The following TSPEAR variants were observed in gnomAD, a reference collection of about 807,000 sequenced individuals.
TSPEAR encodes the protein thrombospondin type laminin G domain and EAR repeats.
TSPEAR carries 69 observed loss-of-function variants against 71.6 expected under a neutral mutation model. The observed-to-expected ratio is 0.96, with a 90% CI of 0.79 to 1.18. The LOEUF (loss-of-function observed/expected upper bound fraction) is 1.18, where lower values mean the gene tolerates loss of function less well. Ranked by LOEUF, TSPEAR falls within the 50% of genes most tolerant of loss-of-function variation. The pLI, the probability that TSPEAR is intolerant of heterozygous loss-of-function variation, is 0.00. For missense variants in TSPEAR, 971 were observed against 894.9 expected (o/e 1.09, Z -1.09); for synonymous variants, 402 against 387.2 (o/e 1.04, Z -0.45).
intron 1 of TSPEAR, chr21:44,575,336 T>C: frequency 2.8e-6 from 1 of 357,228 alleles, no homozygotes; most frequent in Non-Finnish European, 5.4e-6. Flanking sequence ...GCCCTCAAGC[T>C]GACCAATAAA....
At chr21:44,504,437 CAGTG>C (rs2052145633) in intron 11 of TSPEAR, among the ~76,000 whole-genome samples, 2 of 141,716 alleles carry the variant, frequency 1.4e-5, no homozygotes, top group Non-Finnish European at 3.0e-5. Flanking sequence ...AAGCTGGCCT[CAGTG>C]AGCCCACAGT....
chr21:44,517,605 C>T (rs868918670), intron 9 of TSPEAR: 6 of 374,974 alleles, frequency 1.6e-5, no homozygotes, highest in Non-Finnish European at 2.1e-5. Context: ...CAGCCCCTTC[C>T]TGCTGCTTCC....
rs143021992 is a variant in TSPEAR, at chr21:44,702,634, G to A, written c.82+8799C>T. 250 of 1,592,948 alleles carry A rather than the reference G, an allele frequency of 1.6e-4. No individual in the cohort carries two copies. In the African/African-American group the frequency reaches 2.1e-3, roughly 13 times the overall value. ...CTCTGTGTCCCTCCTCTGCCACCCT[G>A]TGTGCAGGCCCACCTGCTGCATGCC... On this transcript the variant is annotated intron_variant, in intron 1 of 11. Coordinates refer to ENST00000323084, the MANE Select transcript of TSPEAR (RefSeq NM_144991.3).
chr21:44,594,680 G>A (rs1357232359), intron 1 of TSPEAR, among the ~76,000 whole-genome samples: 2 of 152,130 alleles, frequency 1.3e-5, no homozygotes, highest in Non-Finnish European at 2.9e-5. Context: ...GGTCAGCGTG[G>A]AGCTCCTGCC....
chr21:44,691,664 A>G (rs1987128726), intron 1 of TSPEAR, among the ~76,000 whole-genome samples: 1 of 152,258 alleles, frequency 6.6e-6, no homozygotes, highest in African/African-American at 2.4e-5. Flanking sequence ...TGAACAGAAC[A>G]TCTAGTCAGA....
intron 1 of TSPEAR, among the ~76,000 whole-genome samples, chr21:44,586,806 T>C (rs1242679348): frequency 2.6e-5 from 4 of 152,162 alleles, no homozygotes; most frequent in Non-Finnish European, 5.9e-5. Flanking sequence ...ACATGATCAA[T>C]AGATGCAGAA....
chr21:44,682,317 C>G (rs1986644528), intron 1 of TSPEAR, among the ~76,000 whole-genome samples: 1 of 152,166 alleles, frequency 6.6e-6, no homozygotes, highest in African/African-American at 2.4e-5. Flanking sequence ...TTTTATCTGG[C>G]CCTTTGTTTC....
chr21:44,591,098 A>G lies in TSPEAR; in HGVS notation c.83-23093T>C, dbSNP rs587747758. On this transcript the variant is annotated intron_variant, in intron 1 of 11. Coordinates refer to ENST00000323084, the MANE Select transcript of TSPEAR (RefSeq NM_144991.3). ...TGCCCCCCGGGGGTCCACAGACAGG[A>G]CAGAGGTTGGTGTGAGACAGAGGCG... is the stretch of plus-strand genomic sequence containing the variant. 9.3e-4 allele frequency among the ~76,000 whole-genome samples: 141 copies of G among 152,008 alleles called. 1 individual carries two copies. In the East Asian group the frequency reaches 0.021, roughly 23 times the overall value.
At chr21:44,688,895 C>G (rs1986983378) in intron 1 of TSPEAR, among the ~76,000 whole-genome samples, 1 of 152,052 alleles carries the variant, frequency 6.6e-6, no homozygotes, top group Non-Finnish European at 1.5e-5. Flanking sequence ...CTGGCCAGGA[C>G]CCCTAAAGGC....
At position 44,687,965 on chromosome 21, in the gene TSPEAR, T is replaced by C. The variant is rs902459295; in HGVS notation, c.82+23468A>G. Among the ~76,000 whole-genome samples the C allele has an allele frequency of 6.6e-6, 1 of 152,166 alleles. No individual in the cohort carries two copies. The highest frequency in any genetic ancestry group is 1.5e-5 in the Non-Finnish European group (1 of 68,028). On this transcript the variant is annotated intron_variant, in intron 1 of 11. Transcript: ENST00000323084. The surrounding 1 kb of genome is among the most constrained non-coding windows in gnomAD (Gnocchi z 4.4). Reference sequence around the variant, plus strand: ...GGCCGGCTCGGGGGTGAGTATCCGATCAAGCACAGTGAGTGACGTGCCAGG... The same window carrying C: ...GGCCGGCTCGGGGGTGAGTATCCGACCAAGCACAGTGAGTGACGTGCCAGG...
intron 1 of TSPEAR, among the ~76,000 whole-genome samples, chr21:44,622,547 C>G (rs1982510735): frequency 6.6e-6 from 1 of 152,214 alleles, no homozygotes; most frequent in African/African-American, 2.4e-5. Flanking sequence ...CTTGCTGCTT[C>G]TAGTTTCTGG....
intron 2 of TSPEAR, among the ~76,000 whole-genome samples, chr21:44,559,669 C>G (rs2053605507): frequency 6.6e-6 from 1 of 152,178 alleles, no homozygotes; most frequent in South Asian, 2.1e-4. Context: ...GATTGCAGAG[C>G]CTTGTCTCAC....
At chr21:44,550,242 C>G (rs587606821) in intron 2 of TSPEAR, 4 of 219,646 alleles carry the variant, frequency 1.8e-5, no homozygotes, top group Non-Finnish European at 3.6e-5. Context: ...AAGAGCCCCC[C>G]GGGGCCCCCA....
intron 11 of TSPEAR, among the ~76,000 whole-genome samples, chr21:44,502,179 T>C (rs1333809180): frequency 6.6e-6 from 1 of 152,162 alleles, no homozygotes; most frequent in Non-Finnish European, 1.5e-5. Context: ...AAAGGAGACC[T>C]CAGCCCTGGC....
chr21:44,538,436 C>A (rs1337679181), intron 2 of TSPEAR, among the ~76,000 whole-genome samples: 4 of 56,248 alleles, frequency 7.1e-5, no homozygotes, highest in Admixed American at 1.5e-4. Context: ...CCCCCCCCCC[C>A]AAGAGGAGAA....
At chr21:44,600,633 C>T (rs1299761236) in intron 1 of TSPEAR, 6 of 1,613,234 alleles carry the variant, frequency 3.7e-6, no homozygotes, top group Admixed American at 1.7e-5. Flanking sequence ...TGGCTGCGTC[C>T]ACTATGTCTG....
intron 2 of TSPEAR, 60 bp from the exon 3 acceptor site, chr21:44,533,983 G>C: frequency 8.0e-7 from 1 of 1,251,238 alleles, no homozygotes; most frequent in Non-Finnish European, 1.1e-6. Flanking sequence ...TGCGGGGGCA[G>C]GGCAGATGGG....
At chr21:44,675,964 T>G in intron 1 of TSPEAR, 1 of 820,734 alleles carries the variant, frequency 1.2e-6, no homozygotes, top group Non-Finnish European at 2.2e-6. Context: ...TTATTCGGGC[T>G]TCCTTCAGCC....
chr21:44,527,833 C>T (rs782156419), intron 6 of TSPEAR, among the ~76,000 whole-genome samples: 4 of 152,224 alleles, frequency 2.6e-5, no homozygotes, highest in South Asian at 2.1e-4. Context: ...AGCTCACACA[C>T]GTGCTGGGCG....
Sources: allele counts gnomAD v4.1 joint callset (sites outside exome capture counted in the v4.1 genomes callset), GRCh38; gene constraint gnomAD v4.1.1; non-coding constraint Gnocchi (gnomAD v3.1); transcripts MANE v1.5; gene names NCBI Gene and HGNC (gene_info 2026-07-23, HGNC 2026-07-21).